CSMD3: variants seen among roughly 807,000 people sequenced by gnomAD.
The protein encoded by CSMD3 is CUB and Sushi multiple domains 3.
In CSMD3, 177 loss-of-function variants were observed where a neutral mutation model predicts 435.2. The observed-to-expected ratio is 0.41, with a 90% CI of 0.36 to 0.46. The LOEUF (loss-of-function observed/expected upper bound fraction) is 0.46. CSMD3 is among the 20% of genes least tolerant of loss of function. The probability of loss-of-function intolerance (pLI) is 0.34; values close to 1 mark genes in which losing one functional copy is unlikely to be tolerated. For synonymous variants in CSMD3, 1,656 were observed against 1,520.5 expected, an observed-to-expected ratio of 1.09 and a Z score of -2.07; for missense variants, 4,265 against 4,504.6, an observed-to-expected ratio of 0.95 and a Z score of 1.52.
chr8:113,184,233 G>A (rs1372876660), intron 3 of CSMD3, among the ~76,000 whole-genome samples: 2 of 151,972 alleles, frequency 1.3e-5, no homozygotes, highest in Non-Finnish European at 2.9e-5. Context: ...CCACCCTTCA[G>A]GAAGCTCCAG....
intron 20 of CSMD3, among the ~76,000 whole-genome samples, chr8:112,641,518 T>C (rs2074826099): frequency 6.6e-6 from 1 of 152,040 alleles, no homozygotes. Context: ...AAGGGGTCCG[T>C]AGAGGGGTAT....
At chr8:112,507,079 A>G (rs1822610804) in intron 28 of CSMD3, among the ~76,000 whole-genome samples, 2 of 152,152 alleles carry the variant, frequency 1.3e-5, no homozygotes, top group Admixed American at 6.6e-5. Flanking sequence ...AAGAATGCAT[A>G]TATACTTTTC....
chr8:112,243,288 A>G (rs1814349414), intron 65 of CSMD3, among the ~76,000 whole-genome samples: 1 of 152,154 alleles, frequency 6.6e-6, no homozygotes, highest in South Asian at 2.1e-4. Context: ...AAAGAAAATG[A>G]AAACATTTCA....
At position 112,653,244 on chromosome 8, in the gene CSMD3, T is replaced by C. The variant is rs547855593; in HGVS notation, c.3005-2895A>G. Among the ~76,000 whole-genome samples the C allele has an allele frequency of 2.6e-5, 4 of 152,338 alleles. No homozygotes were observed. The South Asian group carries it at 8.3e-4, about 32-fold the overall frequency. ...TTATAGAGCTTGTTTTTTTAAAAAG[T>C]AGAAATTCAAAATGGACATTTTTCT... On this transcript the variant is annotated intron_variant, in intron 18 of 70. Coordinates refer to ENST00000297405, the MANE Select transcript of CSMD3 (RefSeq NM_198123.2).
chr8:112,783,176 T>A (rs1027978150), intron 13 of CSMD3, among the ~76,000 whole-genome samples: 1 of 151,830 alleles, frequency 6.6e-6, no homozygotes, highest in East Asian at 1.9e-4. Context: ...ATAATAAAAA[T>A]TTTTAAAATG....
chr8:113,238,325 T>C (rs1304240424), intron 3 of CSMD3, among the ~76,000 whole-genome samples: 1 of 152,152 alleles, frequency 6.6e-6, no homozygotes, highest in Non-Finnish European at 1.5e-5. Context: ...TTGCTTCATG[T>C]AATTGAGAAA....
chr8:112,921,523 T>C, intron 10 of CSMD3, 104 bp downstream of exon 10: 1 of 995,918 alleles, frequency 1.0e-6, no homozygotes, highest in South Asian at 1.3e-5. Flanking sequence ...AATCTTTCCT[T>C]AAAGATTATA....
chr8:112,409,102 A>C, intron 32 of CSMD3, 70 bp from the exon 33 acceptor site: 1 of 1,608,174 alleles, frequency 6.2e-7, no homozygotes, highest in South Asian at 1.1e-5. Flanking sequence ...AAAACAAAAA[A>C]ATAGAAAGAG....
intron 5 of CSMD3, among the ~76,000 whole-genome samples, chr8:113,064,815 G>C (rs2088783524): frequency 6.6e-6 from 1 of 152,008 alleles, no homozygotes; most frequent in Non-Finnish European, 1.5e-5. Context: ...ACAGGGCTTA[G>C]CAGTACATCA....
intron 5 of CSMD3, among the ~76,000 whole-genome samples, chr8:113,019,652 A>G (rs1420328841): frequency 6.9e-6 from 1 of 144,820 alleles, no homozygotes; most frequent in African/African-American, 2.6e-5. Flanking sequence ...ATATGTATTG[A>G]TACAATAAAG....
Position 112,287,218 on chromosome 8 carries a change from T to C in CSMD3, c.9177A>G (p.Pro3059=). Reference sequence around the variant, plus strand: ...GTCTAGAGCCATGGCCGGGAGTACCTGGATCGCCACATGTCCCAGTAGCAT... The same window carrying C: ...GTCTAGAGCCATGGCCGGGAGTACCCGGATCGCCACATGTCCCAGTAGCAT... ...SGDATGTCGD[P]GTPGHGSRQE... The change falls in exon 58 of 71, where the codon CCA becomes CCG. Residue 3059 remains proline (P), a synonymous_variant. Coordinates refer to ENST00000297405, the MANE Select transcript of CSMD3 (RefSeq NM_198123.2). The C allele has an allele frequency of 6.2e-7, 1 of 1,613,674 alleles. No homozygotes were observed. Among genetic ancestry groups the C allele is most frequent in the Non-Finnish European group, 8.5e-7 (1 of 1,179,768 alleles).
At chr8:112,976,243 C>T (rs1304508612) in intron 6 of CSMD3, 95 bp from the exon 7 acceptor site, 1 of 1,386,962 alleles carries the variant, frequency 7.2e-7, no homozygotes, top group Non-Finnish European at 1.0e-6. Flanking sequence ...TCTTCTATTA[C>T]CTTAAGGATA....
chr8:113,190,662 G>T (rs973910137), intron 3 of CSMD3, among the ~76,000 whole-genome samples: 4 of 149,736 alleles, frequency 2.7e-5, no homozygotes, highest in African/African-American at 1.0e-4. Flanking sequence ...TTTCCTTATG[G>T]TGGAAAAGAA....
At chr8:113,352,464 G>C (rs1319254149) in intron 1 of CSMD3, among the ~76,000 whole-genome samples, 3 of 151,992 alleles carry the variant, frequency 2.0e-5, no homozygotes, top group Non-Finnish European at 4.4e-5. Flanking sequence ...TTGGCCTCCA[G>C]AACTGTGAGA....
At position 112,812,653 on chromosome 8, in the gene CSMD3, T is replaced by C. The variant is rs560735751; in HGVS notation, c.1860-12379A>G. On this transcript the variant is annotated intron_variant, in intron 12 of 70. Transcript: ENST00000297405. The stretch of plus-strand genomic sequence containing the variant: ...TCTGAGGAGGCAAGAATTGAGCTGC[T>C]GCAGTCCCGAACAGATTTGCTGCCA... 2.6e-5 allele frequency among the ~76,000 whole-genome samples: 4 copies of C among 152,326 alleles called. No individual in the cohort carries two copies. In the South Asian group the frequency reaches 8.3e-4, roughly 32 times the overall value.
intron 7 of CSMD3, among the ~76,000 whole-genome samples, chr8:112,974,060 C>T (rs1587801855): frequency 1.3e-5 from 2 of 151,846 alleles, no homozygotes; most frequent in African/African-American, 2.4e-5. Context: ...AAACAGGTAT[C>T]AATCTCTCAA....
chr8:113,051,562 C>T (rs534677254), intron 5 of CSMD3, among the ~76,000 whole-genome samples: 1 of 152,186 alleles, frequency 6.6e-6, no homozygotes, highest in South Asian at 2.1e-4. Flanking sequence ...AAGGATTACA[C>T]TTAGAATATA....
At chr8:112,298,005 C>T (rs1820492891) in intron 53 of CSMD3, among the ~76,000 whole-genome samples, 1 of 137,856 alleles carries the variant, frequency 7.3e-6, no homozygotes, top group African/African-American at 2.7e-5. Flanking sequence ...GTAAAACATT[C>T]TGGGGAATAA....
chr8:113,021,368 T>C (rs2086677883), intron 5 of CSMD3, among the ~76,000 whole-genome samples: 1 of 152,236 alleles, frequency 6.6e-6, no homozygotes, highest in Admixed American at 6.5e-5. Context: ...ATATTTTCAA[T>C]TGAGTAGCAT....
Sources: allele counts gnomAD v4.1 joint callset (sites outside exome capture counted in the v4.1 genomes callset), GRCh38; gene constraint gnomAD v4.1.1; transcripts MANE v1.5; gene names NCBI Gene and HGNC (gene_info 2026-07-23, HGNC 2026-07-21).